Variants in DNMT3A observed in about 807,000 individuals in gnomAD.
DNMT3A encodes the protein DNA methyltransferase 3 alpha.
A neutral mutation model predicts 117.6 loss-of-function variants in DNMT3A; 267 were observed. The observed-to-expected ratio is 2.27, with a 90% CI of 2.05 to 2.51. DNMT3A has a LOEUF of 2.51. DNMT3A is among the 30% of genes most tolerant of loss of function. DNMT3A has a pLI of 0.00. For synonymous variants in DNMT3A, 432 were observed against 474.8 expected (o/e 0.91, Z 1.17); for missense variants, 1,029 against 1,260.2 (o/e 0.82, Z 2.78).
chr2:25,279,102 T>C (rs1384661519), intron 4 of DNMT3A, among the ~76,000 whole-genome samples: 3 of 152,162 alleles, frequency 2.0e-5, no homozygotes, highest in Non-Finnish European at 4.4e-5. Context: ...CACTGCCACC[T>C]GAATCATCAT....
At chr2:25,315,941 C>T (rs1444305965) in intron 1 of DNMT3A, among the ~76,000 whole-genome samples, 1 of 152,240 alleles carries the variant, frequency 6.6e-6, no homozygotes, top group Non-Finnish European at 1.5e-5. Flanking sequence ...TTGGAAAGAA[C>T]GTTGAGCCCA....
intron 1 of DNMT3A, among the ~76,000 whole-genome samples, chr2:25,335,969 A>C (rs1448413560): frequency 3.3e-5 from 5 of 151,516 alleles, no homozygotes; most frequent in African/African-American, 1.2e-4. Context: ...AAAAAAAAAC[A>C]AACCACTCCA....
intron 6 of DNMT3A, among the ~76,000 whole-genome samples, chr2:25,269,130 A>T (rs2030634544): frequency 6.6e-6 from 1 of 152,212 alleles, no homozygotes; most frequent in African/African-American, 2.4e-5. Flanking sequence ...GAGACCAGCC[A>T]GGTCAACATA....
intron 2 of DNMT3A, among the ~76,000 whole-genome samples, chr2:25,312,647 G>C (rs760262241): frequency 6.6e-6 from 1 of 152,186 alleles, no homozygotes; most frequent in Non-Finnish European, 1.5e-5. Context: ...TCTGTAAACT[G>C]GGGCCATCTG....
rs566682067 is a variant in DNMT3A at position 25,246,354 on chromosome 2, GA to G, written c.1280-46del. On this transcript the variant is annotated intron_variant, in intron 10 of 22. Coordinates refer to ENST00000321117, the MANE Select transcript of DNMT3A (RefSeq NM_022552.5). ...GCCAAGGTCAGTTACAGGCTGACAGGAAACTCCAGCCCCTTCCCCCACCCTC... is the reference window on the plus strand; with the variant it reads ...GCCAAGGTCAGTTACAGGCTGACAGGAACTCCAGCCCCTTCCCCCACCCTC... 3,709 of 1,560,776 alleles carry G rather than the reference GA, an allele frequency of 2.4e-3. 6 individuals are homozygous for G. The highest frequency in any genetic ancestry group is 3.0e-3 in the Non-Finnish European group (3,503 of 1,151,616).
Position 25,252,412 on chromosome 2 carries a change from T to G in DNMT3A, c.640-4160A>C. ...CGTGGGCCCCGCTGGAGGGCCTGGTTGGCTGCGAGCGGCCCGGGGAGGGGG... is the reference window on the plus strand; with the variant it reads ...CGTGGGCCCCGCTGGAGGGCCTGGTGGGCTGCGAGCGGCCCGGGGAGGGGG... On this transcript the variant is annotated intron_variant, in intron 6 of 22. Transcript: ENST00000321117. The surrounding 1 kb of genome is among the most constrained non-coding windows in gnomAD (Gnocchi z 5.5). 1 of 461,556 alleles carries G rather than the reference T, an allele frequency of 2.2e-6. No homozygotes were observed. 28.6% of individuals were successfully genotyped at this position (461,556 alleles called of 1,614,324 possible).
rs2149278856 is a variant in DNMT3A, at chr2:25,241,720, G to A, written c.1937-13C>T. On this transcript the variant is annotated splice_polypyrimidine_tract_variant and intron_variant, in intron 16 of 22. Coordinates refer to ENST00000321117, the MANE Select transcript of DNMT3A (RefSeq NM_022552.5). ...AGCACCAGGAGCCCTGCACCAGCCA[G>A]CAGACAGCACCGTTACTTGGAGCCA... The A allele has an allele frequency of 6.2e-7, 1 of 1,612,784 alleles. No homozygotes were observed. The highest frequency in any genetic ancestry group is 8.5e-7 in the Non-Finnish European group (1 of 1,179,488).
At chr2:25,295,047 C>T (rs1447474510) in intron 3 of DNMT3A, among the ~76,000 whole-genome samples, 1 of 152,214 alleles carries the variant, frequency 6.6e-6, no homozygotes, top group Non-Finnish European at 1.5e-5. Flanking sequence ...CCACTCACCC[C>T]CCAGGGCCTT....
chr2:25,285,350 G>GGAAAAC (rs1206316140), intron 3 of DNMT3A, among the ~76,000 whole-genome samples: 16 of 152,308 alleles, frequency 1.1e-4, no homozygotes, highest in African/African-American at 3.8e-4. Flanking sequence ...AAGGGCCTTG[G>GGAAAAC]GAAAACAAAA....
At chr2:25,238,716 G>A (rs185578632) in intron 20 of DNMT3A, among the ~76,000 whole-genome samples, 2 of 152,242 alleles carry the variant, frequency 1.3e-5, no homozygotes, top group East Asian at 1.9e-4. Flanking sequence ...GCATGCAGCC[G>A]CTGCAAGATT....
rs994056296 is a variant in DNMT3A, at chr2:25,334,049, T to G, written c.-178+7777A>C. 4.6e-5 allele frequency among the ~76,000 whole-genome samples: 7 copies of G among 152,330 alleles called. No homozygotes were observed. In the South Asian group the frequency reaches 1.2e-3, roughly 27 times the overall value. ...GTGCTTGCCTCCAAGTCATAGGTCC[T>G]TTTATGTCTGTTCCTGCCTTATTCC... On this transcript the variant is annotated intron_variant, in intron 1 of 22. Transcript: ENST00000321117.
In DNMT3A at chr2:25,311,626, G is replaced by A. The variant is rs562958770; in HGVS notation, c.72+2287C>T. On this transcript the variant is annotated intron_variant, in intron 2 of 22. Coordinates refer to ENST00000321117, the MANE Select transcript of DNMT3A (RefSeq NM_022552.5). This position sits in a 1 kb window ranked among gnomAD's most constrained non-coding sequence, Gnocchi z 5.2. ...TGGGTGTGTGTTTGTTGCCGCTTGAGCCAGAGCAGTTACTATGGGTAGATA... is the reference window on the plus strand; with the variant it reads ...TGGGTGTGTGTTTGTTGCCGCTTGAACCAGAGCAGTTACTATGGGTAGATA... Among the ~76,000 whole-genome samples, 178 of 152,296 alleles carry A rather than the reference G, an allele frequency of 1.2e-3. 3 individuals are homozygous for A. In the Middle Eastern group the frequency reaches 0.058, roughly 49 times the overall value.
At chr2:25,241,454 T>C in intron 17 of DNMT3A, 108 bp downstream of exon 17, 1 of 1,419,384 alleles carries the variant, frequency 7.0e-7, no homozygotes, top group South Asian at 1.4e-5. Context: ...GGGCAAAGGG[T>C]GAAGAGAAAG....
rs1314969886 is a variant in DNMT3A at position 25,233,764 on chromosome 2, T to TAA, written c.*513_*514dup. Reference sequence around the variant, plus strand: ...GAGACAACAAAAAAAAGATATATAGTAAAAAAAAAAACCCAAAAAAAAAAA... The same window carrying TAA: ...GAGACAACAAAAAAAAGATATATAGTAAAAAAAAAAAAACCCAAAAAAAAAAA... On this transcript the variant is annotated 3_prime_UTR_variant, in exon 23 of 23. Coordinates refer to ENST00000321117, the MANE Select transcript of DNMT3A (RefSeq NM_022552.5). The TAA allele has an allele frequency of 5.0e-4, 33 of 65,458 alleles. No homozygotes were observed. The highest frequency in any genetic ancestry group is 8.4e-4 in the Admixed American group (3 of 3,584). The allele number at this position is 65,458 out of a possible 1,614,324, so 4.1% of individuals were successfully genotyped here. A position where few individuals can be genotyped will look rare whatever the true frequency, so the allele number is the denominator to read the frequency against.
At chr2:25,261,621 A>C (rs952751211) in intron 6 of DNMT3A, among the ~76,000 whole-genome samples, 2 of 137,452 alleles carry the variant, frequency 1.5e-5, no homozygotes, top group East Asian at 2.1e-4. Flanking sequence ...AAAAAAAAAA[A>C]CCATAAATAA....
intron 16 of DNMT3A, among the ~76,000 whole-genome samples, chr2:25,243,362 A>G (rs778573446): frequency 1.3e-5 from 2 of 152,168 alleles, no homozygotes; most frequent in Non-Finnish European, 2.9e-5. Context: ...TAATATAATA[A>G]ATGCAAGGCA....
At position 25,300,712 on chromosome 2, in the gene DNMT3A, AATAT is replaced by A. The variant is rs3039391; in HGVS notation, c.73-473_73-470del. Among the ~76,000 whole-genome samples, 101 of 18,792 alleles carry A rather than the reference AATAT, an allele frequency of 5.4e-3. 2 individuals carry two copies. The highest frequency in any genetic ancestry group is 0.01 in the South Asian group (7 of 700). The allele number at this position is 18,792 out of a possible 152,430, so 12.3% of individuals were successfully genotyped here. On this transcript the variant is annotated intron_variant, in intron 2 of 22. Coordinates refer to ENST00000321117, the MANE Select transcript of DNMT3A (RefSeq NM_022552.5). ...ATATATTTATATATCTAAATAATAT[AATAT>A]ATATATATATATATATATATATATA... is the stretch of plus-strand genomic sequence containing the variant.
intron 6 of DNMT3A, among the ~76,000 whole-genome samples, chr2:25,265,718 C>G (rs949458086): frequency 1.3e-5 from 2 of 151,530 alleles, no homozygotes; most frequent in African/African-American, 4.9e-5. Context: ...ACTTGGGAGG[C>G]TGGGGCAGGA....
In DNMT3A at chr2:25,252,429, G is replaced by A. The variant is rs912622865; in HGVS notation, c.640-4177C>T. 7.5e-5 allele frequency: 33 copies of A among 438,698 alleles called. No homozygotes were observed. The highest frequency in any genetic ancestry group is 6.0e-4 in the Middle Eastern group (1 of 1,666). 27.2% of individuals were successfully genotyped at this position (438,698 alleles called of 1,614,324 possible). A position where few individuals can be genotyped will look rare whatever the true frequency, so the allele number is the denominator to read the frequency against. Reference sequence around the variant, plus strand: ...GGCCTGGTTGGCTGCGAGCGGCCCGGGGAGGGGGCCGGCGCTCCGACGCTG... The same window carrying A: ...GGCCTGGTTGGCTGCGAGCGGCCCGAGGAGGGGGCCGGCGCTCCGACGCTG... On this transcript the variant is annotated intron_variant, in intron 6 of 22. Coordinates refer to ENST00000321117, the MANE Select transcript of DNMT3A (RefSeq NM_022552.5). The surrounding 1 kb of genome is among the most constrained non-coding windows in gnomAD (Gnocchi z 5.5).
Sources: allele counts gnomAD v4.1 joint callset (sites outside exome capture counted in the v4.1 genomes callset), GRCh38; gene constraint gnomAD v4.1.1; non-coding constraint Gnocchi (gnomAD v3.1); transcripts MANE v1.5; gene names NCBI Gene and HGNC (gene_info 2026-07-23, HGNC 2026-07-21).